TMEM135: variants seen among roughly 807,000 people sequenced by gnomAD.
TMEM135 encodes the protein peroxisomal membrane protein 52.
In TMEM135, 30 loss-of-function variants were observed where a neutral mutation model predicts 60.3. The ratio of observed to expected loss-of-function variants is 0.50; its 90% CI spans 0.37 to 0.68. TMEM135 has a LOEUF of 0.68. Among genes scored for constraint, TMEM135 ranks in the 30% least tolerant of loss-of-function variants. The pLI, the probability that TMEM135 is intolerant of heterozygous loss-of-function variation, is 0.00. For missense variants in TMEM135, 468 were observed against 548.8 expected, an observed-to-expected ratio of 0.85 and a Z score of 1.47; for synonymous variants, 190 against 186.7, an observed-to-expected ratio of 1.02 and a Z score of -0.14.
chr11:87,260,026 T>G (rs1211020692), intron 6 of TMEM135, among the ~76,000 whole-genome samples: 2 of 152,196 alleles, frequency 1.3e-5, no homozygotes, highest in African/African-American at 4.8e-5. Flanking sequence ...TTGTGACAGC[T>G]TAGGACCTCT....
At chr11:87,106,630 A>G (rs1322449401) in intron 4 of TMEM135, among the ~76,000 whole-genome samples, 1 of 152,018 alleles carries the variant, frequency 6.6e-6, no homozygotes, top group Non-Finnish European at 1.5e-5. Context: ...TTTGAGAAAG[A>G]TTGGTATTAG....
chr11:87,202,004 T>TGTTATGTTATGTTTTAC (rs1940108461), intron 5 of TMEM135, among the ~76,000 whole-genome samples: 1 of 55,262 alleles, frequency 1.8e-5, no homozygotes, highest in Admixed American at 1.9e-4. Context: ...TGTTATGTTA[T>TGTTATGTTATGTTTTAC]GTTATGTAAT....
intron 5 of TMEM135, among the ~76,000 whole-genome samples, chr11:87,198,012 G>A (rs749619574): frequency 4.6e-5 from 7 of 151,880 alleles, no homozygotes; most frequent in Admixed American, 3.3e-4. Flanking sequence ...TTTCTTACAC[G>A]TAATGATCAA....
At position 87,328,523 on chromosome 11, in the gene TMEM135, T is replaced by G. The variant is rs978906748; in HGVS notation, c.*7190T>G. ...TCCTTCCCCTTCTGAGTCTCCATAG[T>G]CCATTATATCACTCTGTATACCCTT... On this transcript the variant is annotated 3_prime_UTR_variant, in exon 15 of 15. Transcript: ENST00000305494. The G allele has an allele frequency of 5.7e-5, 26 of 453,926 alleles. No homozygotes were observed. In the Admixed American group the frequency reaches 6.1e-4, roughly 11 times the overall value. 28.1% of individuals were successfully genotyped at this position (453,926 alleles called of 1,614,324 possible).
At chr11:87,059,361 A>G (rs892144924) in intron 1 of TMEM135, among the ~76,000 whole-genome samples, 9 of 150,128 alleles carry the variant, frequency 6.0e-5, no homozygotes, top group Non-Finnish European at 1.2e-4. Context: ...CTGAAGTGCA[A>G]TGGCGTGATC....
chr11:87,038,278 T>G, intron 1 of TMEM135, 92 bp downstream of exon 1: 1 of 1,363,218 alleles, frequency 7.3e-7, no homozygotes. Flanking sequence ...CTGGGGGACT[T>G]GCCTTGTGTC....
rs376999371 is a variant in TMEM135, at chr11:87,289,437, CTTTTTTTTTTT to C, written c.510-6326_510-6316del. ...TATCCTTTAACAAATATCTCCATAT[CTTTTTTTTTTT>C]TTTTTTTTTTTTTTTTTTGAGATGT... On this transcript the variant is annotated intron_variant, in intron 6 of 14. Coordinates refer to ENST00000305494, the MANE Select transcript of TMEM135 (RefSeq NM_022918.4). Among the ~76,000 whole-genome samples the C allele has an allele frequency of 1.5e-4, 13 of 87,580 alleles. 1 individual carries two copies. Among genetic ancestry groups the C allele is most frequent in the South Asian group, 1.4e-3 (3 of 2,094 alleles). The allele number at this position is 87,580 out of a possible 152,430, so 57.5% of individuals were successfully genotyped here. A position where few individuals can be genotyped will look rare whatever the true frequency, so the allele number is the denominator to read the frequency against.
At chr11:87,294,167 A>G (rs1013650137) in intron 6 of TMEM135, among the ~76,000 whole-genome samples, 2 of 152,018 alleles carry the variant, frequency 1.3e-5, no homozygotes, top group African/African-American at 4.8e-5. Flanking sequence ...TTCTTTTGAG[A>G]AGTGTCTGTT....
At chr11:87,188,382 T>G (rs1939704777) in intron 5 of TMEM135, among the ~76,000 whole-genome samples, 1 of 152,122 alleles carries the variant, frequency 6.6e-6, no homozygotes, top group Non-Finnish European at 1.5e-5. Context: ...TCTTGTCTTT[T>G]AATGTTTCCA....
intron 5 of TMEM135, among the ~76,000 whole-genome samples, chr11:87,163,130 G>A (rs1938935551): frequency 6.7e-6 from 1 of 149,022 alleles, no homozygotes; most frequent in Admixed American, 6.7e-5. Context: ...CTGGTGCACT[G>A]CACCCACTAA....
chr11:87,125,948 A>T (rs1937713132), intron 4 of TMEM135, among the ~76,000 whole-genome samples: 1 of 152,240 alleles, frequency 6.6e-6, no homozygotes, highest in African/African-American at 2.4e-5. Context: ...GTTTTAACAA[A>T]GCAAATTTCG....
In TMEM135 at chr11:87,322,292, T is replaced by C; in HGVS notation, c.*959T>C. The C allele has an allele frequency of 2.2e-6, 1 of 454,176 alleles. No homozygotes were observed. The highest frequency in any genetic ancestry group is 4.4e-6 in the Non-Finnish European group (1 of 226,748). The allele number at this position is 454,176 out of a possible 1,614,324, so 28.1% of individuals were successfully genotyped here. A position where few individuals can be genotyped will look rare whatever the true frequency, so the allele number is the denominator to read the frequency against. On this transcript the variant is annotated 3_prime_UTR_variant, in exon 15 of 15. Transcript: ENST00000305494. ...GTTTGTGTCCTCTCAGCTGTTTAAC[T>C]TATGTAATGGATGTTTTGCACCTGA...
chr11:87,261,796 G>C (rs301605), intron 6 of TMEM135, among the ~76,000 whole-genome samples: 89,057 of 151,808 alleles, frequency 0.59, 26,507 homozygotes, highest in Non-Finnish European at 0.63. Context: ...TAATTTTTTA[G>C]TTTTGTTTTT....
intron 4 of TMEM135, among the ~76,000 whole-genome samples, chr11:87,135,363 G>A (rs541305113): frequency 3.4e-4 from 52 of 151,890 alleles, no homozygotes; most frequent in East Asian, 9.7e-4. Flanking sequence ...TAGATTTTAC[G>A]TTTAACTCTA....
At chr11:87,198,199 G>A (rs928293484) in intron 5 of TMEM135, among the ~76,000 whole-genome samples, 17 of 152,022 alleles carry the variant, frequency 1.1e-4, no homozygotes, top group African/African-American at 3.6e-4. Flanking sequence ...TATTCTTTAT[G>A]TACATGAGAT....
At chr11:87,257,384 T>A (rs1334368940) in intron 6 of TMEM135, among the ~76,000 whole-genome samples, 1 of 152,144 alleles carries the variant, frequency 6.6e-6, no homozygotes, top group Non-Finnish European at 1.5e-5. Context: ...TCGGAGGTAA[T>A]CAAAAGACAC....
chr11:87,118,636 G>A (rs9667639), intron 4 of TMEM135, among the ~76,000 whole-genome samples: 18,208 of 151,948 alleles, frequency 0.12, 1,396 homozygotes, highest in African/African-American at 0.21. Context: ...TTTTAGTACA[G>A]ATGGGGTTTC....
At chr11:87,247,380 C>T (rs1941306571) in intron 6 of TMEM135, among the ~76,000 whole-genome samples, 1 of 152,210 alleles carries the variant, frequency 6.6e-6, no homozygotes. Flanking sequence ...CTACTGTCTT[C>T]AAAACTGTCA....
In TMEM135 at chr11:87,326,563, G is replaced by C. The variant is rs559564466; in HGVS notation, c.*5230G>C. The stretch of plus-strand genomic sequence containing the variant: ...TATGGGATTGGATGCCAAAAGGAAT[G>C]GGAGAGAAGAGACTATAAACATATT... On this transcript the variant is annotated 3_prime_UTR_variant, in exon 15 of 15. Transcript: ENST00000305494. 138 of 454,056 alleles carry C rather than the reference G, an allele frequency of 3.0e-4. 2 individuals carry two copies. The highest frequency in any genetic ancestry group is 2.1e-3 in the South Asian group (138 of 64,480). 28.1% of individuals were successfully genotyped at this position (454,056 alleles called of 1,614,324 possible). A position where few individuals can be genotyped will look rare whatever the true frequency, so the allele number is the denominator to read the frequency against.
Sources: allele counts gnomAD v4.1 joint callset (sites outside exome capture counted in the v4.1 genomes callset), GRCh38; gene constraint gnomAD v4.1.1; transcripts MANE v1.5; gene names NCBI Gene and HGNC (gene_info 2026-07-23, HGNC 2026-07-21).